CACNA2D3: variants seen among roughly 807,000 people sequenced by gnomAD.
CACNA2D3 encodes the protein calcium voltage-gated channel auxiliary subunit alpha2delta 3, also known as voltage-dependent calcium channel subunit alpha-2/delta-3.
A neutral mutation model predicts 160.6 loss-of-function variants in CACNA2D3; 60 were observed. The observed-to-expected ratio is 0.37, with a 90% confidence interval of 0.30 to 0.46. CACNA2D3 has a LOEUF of 0.46. CACNA2D3 is among the 20% of genes least tolerant of loss of function. The pLI is 1.00. For missense variants in CACNA2D3, 1,205 were observed against 1,365.0 expected (o/e 0.88, Z 1.85); for synonymous variants, 558 against 492.9 (o/e 1.13, Z -1.75).
chr3:54,173,580 G>A (rs771079697), intron 2 of CACNA2D3, among the ~76,000 whole-genome samples: 107 of 152,194 alleles, frequency 7.0e-4, no homozygotes, highest in Non-Finnish European at 2.1e-4. Context: ...TATGGAAACG[G>A]AAACAGTCTC....
intron 11 of CACNA2D3, among the ~76,000 whole-genome samples, chr3:54,730,382 C>G (rs1025101160): frequency 1.3e-5 from 2 of 152,210 alleles, no homozygotes; most frequent in African/African-American, 4.8e-5. Flanking sequence ...GTCACTGGCT[C>G]TGCTGGAAAG....
chr3:54,680,586 A>C (rs1194185426), intron 11 of CACNA2D3, among the ~76,000 whole-genome samples: 1 of 152,218 alleles, frequency 6.6e-6, no homozygotes. Context: ...ATTTGCAAAG[A>C]GGAAAAATGG....
At chr3:54,991,408 A>T (rs1246510395) in intron 31 of CACNA2D3, among the ~76,000 whole-genome samples, 1 of 151,954 alleles carries the variant, frequency 6.6e-6, no homozygotes, top group African/African-American at 2.4e-5. Flanking sequence ...TTTTTAGTAG[A>T]GACGGGGTTT....
At chr3:54,806,272 T>A (rs960298305) in intron 13 of CACNA2D3, among the ~76,000 whole-genome samples, 6 of 152,162 alleles carry the variant, frequency 3.9e-5, no homozygotes, top group Non-Finnish European at 8.8e-5. Context: ...TGTCCCTGTT[T>A]GCAGACGACA....
At chr3:54,762,513 AG>A (rs912522380) in intron 12 of CACNA2D3, among the ~76,000 whole-genome samples, 2 of 151,576 alleles carry the variant, frequency 1.3e-5, no homozygotes, top group Non-Finnish European at 2.9e-5. Flanking sequence ...GCCAGGCCCC[AG>A]GGGGGGCAGG....
chr3:54,478,348 T>G (rs922454241), intron 4 of CACNA2D3, among the ~76,000 whole-genome samples: 11 of 152,034 alleles, frequency 7.2e-5, no homozygotes, highest in African/African-American at 2.7e-4. Context: ...AGTTTAAAAC[T>G]GCAGCCAGGC....
chr3:54,853,121 A>G (rs999528841), intron 17 of CACNA2D3, among the ~76,000 whole-genome samples: 6 of 151,602 alleles, frequency 4.0e-5, no homozygotes, highest in African/African-American at 1.5e-4. Flanking sequence ...CTCATCCTCC[A>G]CTTCTTAGCT....
chr3:55,066,266 C>T (rs138324425), intron 35 of CACNA2D3, among the ~76,000 whole-genome samples: 4 of 152,230 alleles, frequency 2.6e-5, no homozygotes, highest in East Asian at 1.9e-4. Flanking sequence ...TCCCTGGGAC[C>T]GACTCATTGG....
chr3:54,138,768 T>C (rs1489714914), intron 2 of CACNA2D3, among the ~76,000 whole-genome samples: 2 of 152,198 alleles, frequency 1.3e-5, no homozygotes, highest in Admixed American at 6.5e-5. Context: ...ACGAAGCTAG[T>C]GATGGAAGAG....
chr3:54,578,378 A>G (rs561510392), intron 8 of CACNA2D3, among the ~76,000 whole-genome samples: 1 of 152,338 alleles, frequency 6.6e-6, no homozygotes, highest in South Asian at 2.1e-4. Context: ...ATCGTTTCAC[A>G]AAATAGAAAT....
At chr3:54,646,285 T>G (rs964680558) in intron 11 of CACNA2D3, among the ~76,000 whole-genome samples, 1 of 150,782 alleles carries the variant, frequency 6.6e-6, no homozygotes, top group Admixed American at 6.7e-5. Flanking sequence ...GGGATATATG[T>G]GCAGGTTGTG....
At chr3:54,272,202 A>G (rs1559903427) in intron 2 of CACNA2D3, among the ~76,000 whole-genome samples, 1 of 152,176 alleles carries the variant, frequency 6.6e-6, no homozygotes, top group East Asian at 1.9e-4. Flanking sequence ...GGTGGGCATT[A>G]CCAGTCACTG....
intron 2 of CACNA2D3, among the ~76,000 whole-genome samples, chr3:54,192,166 G>A (rs930258879): frequency 2.0e-5 from 3 of 151,608 alleles, no homozygotes; most frequent in Admixed American, 6.6e-5. Context: ...AATCAAGAGT[G>A]GGTGGTCCTT....
intron 29 of CACNA2D3, among the ~76,000 whole-genome samples, chr3:54,974,418 G>A (rs11130442): frequency 0.51 from 76,922 of 151,842 alleles, 19,854 homozygotes; most frequent in Admixed American, 0.62. Flanking sequence ...ACCGACAGCA[G>A]ATGTCATAGT....
At chr3:54,784,308 C>A (rs1702592287) in intron 13 of CACNA2D3, among the ~76,000 whole-genome samples, 1 of 152,180 alleles carries the variant, frequency 6.6e-6, no homozygotes. Flanking sequence ...TGCTGGAGGC[C>A]TTCCAGGAAG....
intron 2 of CACNA2D3, among the ~76,000 whole-genome samples, chr3:54,302,720 T>C (rs985579596): frequency 1.3e-5 from 2 of 152,066 alleles, no homozygotes; most frequent in Non-Finnish European, 2.9e-5. Context: ...ATTTACTGCT[T>C]ATCCCTGTGA....
intron 3 of CACNA2D3, among the ~76,000 whole-genome samples, chr3:54,368,745 A>C (rs1698870260): frequency 9.0e-6 from 1 of 110,646 alleles, no homozygotes; most frequent in Non-Finnish European, 1.7e-5. Context: ...TCTGTCACCC[A>C]GGCTGTAGTG....
intron 31 of CACNA2D3, among the ~76,000 whole-genome samples, chr3:54,995,171 G>A (rs150240941): frequency 2.6e-5 from 4 of 151,992 alleles, no homozygotes; most frequent in African/African-American, 7.2e-5. Flanking sequence ...ACAGGGTTTC[G>A]CCATGTTGGT....
At chr3:54,129,086 A>G (rs1699654190) in intron 2 of CACNA2D3, among the ~76,000 whole-genome samples, 1 of 140,620 alleles carries the variant, frequency 7.1e-6, no homozygotes, top group South Asian at 2.5e-4. Flanking sequence ...GAAGAGGAGG[A>G]TGCTTGATTT....
Sources: allele counts gnomAD v4.1 joint callset (sites outside exome capture counted in the v4.1 genomes callset), GRCh38; gene constraint gnomAD v4.1.1; transcripts MANE v1.5; gene names NCBI Gene and HGNC (gene_info 2026-07-23, HGNC 2026-07-21).